The following MYO5A variants were observed in gnomAD, a reference collection of about 807,000 sequenced individuals.
MYO5A encodes myosin VA.
In MYO5A, 98 loss-of-function variants were observed where a neutral mutation model predicts 249.7. The observed-to-expected ratio is 0.39, with a 90% CI of 0.33 to 0.46. The LOEUF (loss-of-function observed/expected upper bound fraction) is 0.46. MYO5A is among the 20% of genes least tolerant of loss of function. The pLI, the probability that MYO5A is intolerant of heterozygous loss-of-function variation, is 0.98. For missense variants in MYO5A, 1,696 were observed against 2,308.8 expected, an observed-to-expected ratio of 0.73 and a Z score of 5.44; for synonymous variants, 778 against 810.6, an observed-to-expected ratio of 0.96 and a Z score of 0.68.
intron 4 of MYO5A, among the ~76,000 whole-genome samples, chr15:52,424,666 C>T (rs1488291244): frequency 6.6e-6 from 1 of 152,116 alleles, no homozygotes; most frequent in Admixed American, 6.5e-5. Flanking sequence ...AAATAAAAAC[C>T]TCTGCAGTAT....
At chr15:52,367,478 A>C (rs1490467640) in intron 22 of MYO5A, among the ~76,000 whole-genome samples, 2 of 151,396 alleles carry the variant, frequency 1.3e-5, no homozygotes, top group Non-Finnish European at 3.0e-5. Flanking sequence ...AAAACATTAA[A>C]GTTTTACTTT....
chr15:52,484,661 T>C (rs2076780479), intron 1 of MYO5A, among the ~76,000 whole-genome samples: 1 of 152,194 alleles, frequency 6.6e-6, no homozygotes, highest in African/African-American at 2.4e-5. Context: ...TTGTTTGTTT[T>C]TGAGACAGAG....
chr15:52,384,888 T>C (rs74015200), intron 14 of MYO5A, among the ~76,000 whole-genome samples: 175 of 152,358 alleles, frequency 1.1e-3, no homozygotes, highest in African/African-American at 4.2e-3. Flanking sequence ...AAGTTATGAA[T>C]AATAATTTTT....
At chr15:52,444,954 C>T (rs1175555599) in intron 1 of MYO5A, among the ~76,000 whole-genome samples, 5 of 152,166 alleles carry the variant, frequency 3.3e-5, no homozygotes, top group Non-Finnish European at 7.3e-5. Context: ...CAAAACAGTA[C>T]CTGGGAAATA....
intron 37 of MYO5A, among the ~76,000 whole-genome samples, chr15:52,322,084 C>T (rs554807645): frequency 7.2e-5 from 11 of 152,284 alleles, no homozygotes; most frequent in East Asian, 1.9e-4. Flanking sequence ...ACTGAATGGG[C>T]GGCACTTCTT....
intron 4 of MYO5A, among the ~76,000 whole-genome samples, chr15:52,417,011 T>G (rs1050638118): frequency 5.9e-5 from 9 of 152,256 alleles, no homozygotes; most frequent in Non-Finnish European, 8.8e-5. Context: ...TTATTTCTTC[T>G]GTGTTCTTCG....
chr15:52,465,706 C>A (rs1482396130), intron 1 of MYO5A, among the ~76,000 whole-genome samples: 1 of 152,092 alleles, frequency 6.6e-6, no homozygotes, highest in Non-Finnish European at 1.5e-5. Flanking sequence ...AGAACTCTTA[C>A]AAATCATTAA....
At chr15:52,351,619 C>T in intron 27 of MYO5A, 138 bp from the exon 28 acceptor site, 1 of 798,122 alleles carries the variant, frequency 1.3e-6, no homozygotes, top group South Asian at 1.6e-5. Context: ...TTCCTAGGTT[C>T]TGCCAGGAGC....
chr15:52,316,976 G>A (rs1439225844), intron 40 of MYO5A, 72 bp downstream of exon 40: 5 of 1,462,138 alleles, frequency 3.4e-6, no homozygotes, highest in Non-Finnish European at 2.9e-6. Context: ...ATAAGTAGAG[G>A]ACTTCTTTAC....
chr15:52,329,905 A>AATT (rs1318096826), intron 35 of MYO5A, among the ~76,000 whole-genome samples: 22 of 119,718 alleles, frequency 1.8e-4, no homozygotes, highest in Middle Eastern at 4.3e-3. Flanking sequence ...CGCCTGGGTA[A>AATT]TTTTTTTTTT....
intron 1 of MYO5A, among the ~76,000 whole-genome samples, chr15:52,503,245 C>T (rs2077194595): frequency 6.6e-6 from 1 of 152,132 alleles, no homozygotes; most frequent in Non-Finnish European, 1.5e-5. Flanking sequence ...CCCAATTACA[C>T]TGATTAGATC....
rs148075351 is a variant in MYO5A at position 52,330,619 on chromosome 15, T to C, written c.4409-120A>G. 1,532 of 1,149,092 alleles carry C rather than the reference T, an allele frequency of 1.3e-3. 24 individuals are homozygous for C. The African/African-American group carries it at 0.022, about 16-fold the overall frequency. The allele number at this position is 1,149,092 out of a possible 1,614,324, so 71.2% of individuals were successfully genotyped here. A position where few individuals can be genotyped will look rare whatever the true frequency, so the allele number is the denominator to read the frequency against. On this transcript the variant is annotated intron_variant, in intron 34 of 41. Transcript: ENST00000399233. ...AACCGAAACTTGCCATATTTGCCAC[T>C]TAATTGCCTTCTCTTAAAATAATTT...
chr15:52,381,408 G>A (rs2041732849), intron 16 of MYO5A, among the ~76,000 whole-genome samples: 1 of 152,004 alleles, frequency 6.6e-6, no homozygotes, highest in Non-Finnish European at 1.5e-5. Context: ...AGGGAAAAGG[G>A]CACTCATACA....
At chr15:52,347,913 AT>A (rs559305160) in intron 29 of MYO5A, among the ~76,000 whole-genome samples, 199 of 152,318 alleles carry the variant, frequency 1.3e-3, no homozygotes, top group Non-Finnish European at 1.7e-3. Context: ...CCATACTCAG[AT>A]TTTTAAAACC....
chr15:52,359,834 C>A, intron 25 of MYO5A, 134 bp downstream of exon 25: 1 of 703,156 alleles, frequency 1.4e-6, no homozygotes, highest in South Asian at 1.6e-5. Flanking sequence ...ATCTACAAGT[C>A]ACTTATGAAG....
At chr15:52,459,226 G>T (rs1270661602) in intron 1 of MYO5A, among the ~76,000 whole-genome samples, 2 of 140,882 alleles carry the variant, frequency 1.4e-5, no homozygotes, top group Non-Finnish European at 3.0e-5. Context: ...ATTTGGCAGG[G>T]TCATAGGACA....
rs750515250 is a variant in MYO5A at position 52,425,908 on chromosome 15, G to T, written c.377C>A (p.Ala126Glu). The T allele has an allele frequency of 6.2e-7, 1 of 1,613,034 alleles. No homozygotes were observed. Among genetic ancestry groups the T allele is most frequent in the Non-Finnish European group, 8.5e-7 (1 of 1,179,092 alleles). Reference sequence around the variant, plus strand: ...ATCACCCATGTTCTGACCACTGTATGCATTAATAATATCTTCTCCATAAAT... The same window carrying T: ...ATCACCCATGTTCTGACCACTGTATTCATTAATAATATCTTCTCCATAAAT... The part of the protein sequence containing the change: ...LPIYGEDIIN[A>E]YSGQNMGDMD... Residue 126 changes from alanine to glutamate, a missense_variant, in exon 4 of 42, where the codon GCA (alanine) becomes GAA (glutamate). Coordinates refer to ENST00000399233, the MANE Select transcript of MYO5A (RefSeq NM_001382347.1).
chr15:52,399,166 G>A (rs2042628221), intron 9 of MYO5A, among the ~76,000 whole-genome samples: 1 of 152,110 alleles, frequency 6.6e-6, no homozygotes, highest in East Asian at 1.9e-4. Flanking sequence ...ATAATTAAGA[G>A]AAGTCAATAA....
chr15:52,361,277 T>C (rs1393758442), intron 24 of MYO5A, among the ~76,000 whole-genome samples: 2 of 152,174 alleles, frequency 1.3e-5, no homozygotes, highest in African/African-American at 2.4e-5. Flanking sequence ...AAGCCCACAG[T>C]TGTAGGAATG....
Sources: allele counts gnomAD v4.1 joint callset (sites outside exome capture counted in the v4.1 genomes callset), GRCh38; gene constraint gnomAD v4.1.1; transcripts MANE v1.5; gene names NCBI Gene and HGNC (gene_info 2026-07-23, HGNC 2026-07-21).